Variants in NAV3 observed in about 807,000 individuals in gnomAD.
The protein encoded by NAV3 is neuron navigator 3.
Under a neutral mutation model 244.7 loss-of-function variants are expected in NAV3, and 87 were observed. The observed-to-expected ratio is 0.36, with a 90% CI of 0.30 to 0.42. NAV3 has a LOEUF of 0.42. Among genes scored for constraint, NAV3 ranks in the 20% least tolerant of loss-of-function variants. The pLI, the probability that NAV3 is intolerant of heterozygous loss-of-function variation, is 1.00. For missense variants in NAV3, 2,663 were observed against 2,893.3 expected, an observed-to-expected ratio of 0.92 and a Z score of 1.83; for synonymous variants, 1,126 against 1,042.2, an observed-to-expected ratio of 1.08 and a Z score of -1.55.
intron 2 of NAV3, among the ~76,000 whole-genome samples, chr12:77,696,470 G>T (rs1322338425): frequency 6.6e-6 from 1 of 152,126 alleles, no homozygotes; most frequent in Non-Finnish European, 1.5e-5. Flanking sequence ...TATGCGTTCT[G>T]AAGCAGATTT....
chr12:77,580,219 A>AAAACACACACAC lies in NAV3; in HGVS notation c.72+7954_72+7955insAACACACACACA, dbSNP rs540863736. Among the ~76,000 whole-genome samples the AAAACACACACAC allele has an allele frequency of 4.0e-3, 583 of 145,486 alleles. 4 individuals are homozygous for AAAACACACACAC. Among genetic ancestry groups the AAAACACACACAC allele is most frequent in the Non-Finnish European group, 6.9e-3 (461 of 66,490 alleles). The stretch of plus-strand genomic sequence containing the variant: ...TTTCTTTATTTGGGGGTAGGGTGGG[A>AAAACACACACAC]ACACACACACACACACACACACACA... On this transcript the variant is annotated intron_variant, in intron 2 of 8. Transcript: ENST00000550042.
intron 5 of NAV3, among the ~76,000 whole-genome samples, chr12:77,987,603 A>C (rs1014886549): frequency 1.2e-4 from 18 of 152,174 alleles, no homozygotes; most frequent in African/African-American, 4.1e-4. Flanking sequence ...ATGTCAATCA[A>C]TTGTTTAGTT....
chr12:77,722,367 T>G (rs1876678175), intron 2 of NAV3, among the ~76,000 whole-genome samples: 1 of 152,100 alleles, frequency 6.6e-6, no homozygotes, highest in Non-Finnish European at 1.5e-5. Flanking sequence ...AACTACATGC[T>G]GTGTATTTAT....
rs554829556 is a variant in NAV3 at position 78,195,684 on chromosome 12, A to T, written c.6292-1563A>T. ...GTTTTACCTTGCATTTTGTAAATTC[A>T]TCATTATTTACATGTGTGCCTACCA... On this transcript the variant is annotated intron_variant, in intron 34 of 39. Transcript: ENST00000397909. Among the ~76,000 whole-genome samples, 30 of 152,102 alleles carry T rather than the reference A, an allele frequency of 2.0e-4. 1 individual carries two copies. The highest frequency in any genetic ancestry group is 6.7e-4 in the African/African-American group (28 of 41,538).
At chr12:77,755,004 A>C (rs1199346474) in intron 2 of NAV3, among the ~76,000 whole-genome samples, 1 of 152,222 alleles carries the variant, frequency 6.6e-6, no homozygotes, top group Non-Finnish European at 1.5e-5. Flanking sequence ...AATTTTTATC[A>C]ATATCGGGAA....
At chr12:78,174,259 A>T (rs894112069) in intron 24 of NAV3, among the ~76,000 whole-genome samples, 24 of 152,000 alleles carry the variant, frequency 1.6e-4, no homozygotes, top group Non-Finnish European at 3.2e-4. Context: ...TTAAATAACT[A>T]TAAATCTTAT....
intron 3 of NAV3, among the ~76,000 whole-genome samples, chr12:77,941,748 G>A (rs1028886645): frequency 6.6e-6 from 1 of 151,982 alleles, no homozygotes; most frequent in Non-Finnish European, 1.5e-5. Flanking sequence ...ATAAACTATA[G>A]AGATAAAAAT....
At chr12:77,870,974 A>C (rs905203495) in intron 1 of NAV3, among the ~76,000 whole-genome samples, 1 of 152,230 alleles carries the variant, frequency 6.6e-6, no homozygotes, top group Non-Finnish European at 1.5e-5. Context: ...GTACACATGC[A>C]TGCACAGGCA....
intron 9 of NAV3, among the ~76,000 whole-genome samples, chr12:78,033,653 C>A (rs191939887): frequency 2.4e-4 from 36 of 152,258 alleles, no homozygotes; most frequent in Non-Finnish European, 3.8e-4. Flanking sequence ...CCTACTGTAA[C>A]CACAAGTTAA....
intron 2 of NAV3, among the ~76,000 whole-genome samples, chr12:77,773,014 T>C (rs1870171176): frequency 1.3e-5 from 2 of 152,198 alleles, no homozygotes; most frequent in East Asian, 1.9e-4. Context: ...GTTCTGAGAT[T>C]CTATCATCCC....
chr12:77,778,161 C>CCCTCCCCTCCTCTGCCCTCT (rs1870468188), intron 2 of NAV3, among the ~76,000 whole-genome samples: 3 of 128,652 alleles, frequency 2.3e-5, no homozygotes, highest in African/African-American at 8.9e-5. Flanking sequence ...CCCTCCCCTC[C>CCCTCCCCTCCTCTGCCCTCT]CCTCCCCTCC....
chr12:77,716,953 T>C (rs972641716), intron 2 of NAV3, among the ~76,000 whole-genome samples: 3 of 152,050 alleles, frequency 2.0e-5, no homozygotes, highest in African/African-American at 7.2e-5. Context: ...TTTCCTGTAA[T>C]GTTTTTTATA....
chr12:77,997,633 A>T (rs1181843570), intron 6 of NAV3, among the ~76,000 whole-genome samples: 1 of 152,242 alleles, frequency 6.6e-6, no homozygotes, highest in Non-Finnish European at 1.5e-5. Flanking sequence ...TTCTTCTGAG[A>T]TCTGCATCCT....
chr12:78,184,745 C>T (rs1291949946), intron 30 of NAV3, among the ~76,000 whole-genome samples: 1 of 151,512 alleles, frequency 6.6e-6, no homozygotes, highest in Non-Finnish European at 1.5e-5. Context: ...CTCTTTTCAC[C>T]AGGAACATGT....
intron 1 of NAV3, among the ~76,000 whole-genome samples, chr12:77,911,033 CG>C (rs1886531688): frequency 6.6e-6 from 1 of 152,028 alleles, no homozygotes; most frequent in African/African-American, 2.4e-5. Flanking sequence ...ATACCTCAAC[CG>C]GCCAGGATGG....
At position 78,137,487 on chromosome 12, in the gene NAV3, G is replaced by A. The variant is rs1011792813; in HGVS notation, c.4630+122G>A. 5.0e-6 allele frequency: 5 copies of A among 994,722 alleles called. No homozygotes were observed. In the Admixed American group the frequency reaches 1.3e-4, roughly 25 times the overall value. 61.6% of individuals were successfully genotyped at this position (994,722 alleles called of 1,614,324 possible). A position where few individuals can be genotyped will look rare whatever the true frequency, so the allele number is the denominator to read the frequency against. On this transcript the variant is annotated intron_variant, in intron 19 of 39. Transcript: ENST00000397909. ...AAATAAACTAGTGTAATTATCATTT[G>A]GGAAACTAGAAGCTTGAAGAAGTTT...
In NAV3 at chr12:78,037,223, G is replaced by A. The variant is rs981480890; in HGVS notation, c.2024-12770G>A. 15 of 703,000 alleles carry A rather than the reference G, an allele frequency of 2.1e-5. No individual in the cohort carries two copies. In the African/African-American group the frequency reaches 2.6e-4, roughly 12 times the overall value. The allele number at this position is 703,000 out of a possible 1,614,324, so 43.5% of individuals were successfully genotyped here. On this transcript the variant is annotated intron_variant, in intron 9 of 39. Transcript: ENST00000397909. ...AAGGTGAGAGTGATGAAGATAGTAG[G>A]TCTGAAGATGAAAACGTGTCCTCCA...
intron 2 of NAV3, among the ~76,000 whole-genome samples, chr12:77,730,388 C>T (rs1352083796): frequency 2.7e-5 from 4 of 150,680 alleles, no homozygotes; most frequent in South Asian, 2.1e-4. Context: ...CACGTGATTC[C>T]GGAAACTAAA....
chr12:78,067,889 A>G (rs1293258922), intron 12 of NAV3, among the ~76,000 whole-genome samples: 2 of 152,024 alleles, frequency 1.3e-5, no homozygotes, highest in African/African-American at 4.8e-5. Flanking sequence ...TTTTTATCTT[A>G]TCTGCTTATA....
Sources: allele counts gnomAD v4.1 joint callset (sites outside exome capture counted in the v4.1 genomes callset), GRCh38; gene constraint gnomAD v4.1.1; transcripts MANE v1.5; gene names NCBI Gene and HGNC (gene_info 2026-07-23, HGNC 2026-07-21).